Variants in GRIN2A observed in about 807,000 individuals in gnomAD.
GRIN2A encodes glutamate ionotropic receptor NMDA type subunit 2A.
In GRIN2A, 22 loss-of-function variants were observed where a neutral mutation model predicts 113.4. The ratio of observed to expected loss-of-function variants is 0.19; its 90% CI spans 0.14 to 0.28. The LOEUF (loss-of-function observed/expected upper bound fraction) is 0.28. Ranked by LOEUF, GRIN2A falls within the 10% of genes least tolerant of loss-of-function variation. The probability of loss-of-function intolerance (pLI) is 1.00; values close to 1 mark genes in which losing one functional copy is unlikely to be tolerated. For missense variants in GRIN2A, 1,502 were observed against 1,887.0 expected, an observed-to-expected ratio of 0.80 and a Z score of 3.78; for synonymous variants, 827 against 738.4, an observed-to-expected ratio of 1.12 and a Z score of -1.94.
intron 2 of GRIN2A, among the ~76,000 whole-genome samples, chr16:10,024,968 C>G (rs747611331): frequency 6.6e-6 from 1 of 151,218 alleles, no homozygotes; most frequent in Non-Finnish European, 1.5e-5. Context: ...TTAAAAAAAG[C>G]ATAGTTGAAA....
intron 2 of GRIN2A, among the ~76,000 whole-genome samples, chr16:10,069,832 T>C (rs988752604): frequency 6.6e-6 from 1 of 152,178 alleles, no homozygotes; most frequent in African/African-American, 2.4e-5. Context: ...CCTTTCCCAA[T>C]GCAGTGAAGG....
At chr16:10,122,775 T>C (rs1367191783) in intron 2 of GRIN2A, among the ~76,000 whole-genome samples, 1 of 152,066 alleles carries the variant, frequency 6.6e-6, no homozygotes, top group Non-Finnish European at 1.5e-5. Flanking sequence ...ACGATCAGCA[T>C]ATTCCTTCCC....
chr16:9,906,871 C>T lies in GRIN2A; in HGVS notation c.1008-15771G>A, dbSNP rs189444077. 1.7e-4 allele frequency among the ~76,000 whole-genome samples: 26 copies of T among 152,336 alleles called. No homozygotes were observed. In the East Asian group the frequency reaches 5.0e-3, roughly 29 times the overall value. Reference sequence around the variant, plus strand: ...TTTTGTTTTGTTTTCAAGATAGGGTCTTGCTGTGTTGCCCAGGCTGGAGTG... The same window carrying T: ...TTTTGTTTTGTTTTCAAGATAGGGTTTTGCTGTGTTGCCCAGGCTGGAGTG... On this transcript the variant is annotated intron_variant, in intron 3 of 12. Transcript: ENST00000330684.
chr16:10,008,119 G>A (rs76919562), intron 2 of GRIN2A, among the ~76,000 whole-genome samples: 1 of 152,148 alleles, frequency 6.6e-6, no homozygotes, highest in African/African-American at 2.4e-5. Context: ...ACACCACAGA[G>A]AGGAGGCAGG....
intron 10 of GRIN2A, among the ~76,000 whole-genome samples, chr16:9,813,899 G>T (rs1385830429): frequency 6.6e-6 from 1 of 152,096 alleles, no homozygotes; most frequent in Non-Finnish European, 1.5e-5. Flanking sequence ...TGATGTCTAT[G>T]CCCGCTTTCG....
chr16:9,884,742 G>C (rs563158042), intron 4 of GRIN2A, among the ~76,000 whole-genome samples: 4 of 143,870 alleles, frequency 2.8e-5, no homozygotes, highest in Non-Finnish European at 6.0e-5. Context: ...TTCTCACTTA[G>C]AGAATTTCTT....
intron 7 of GRIN2A, among the ~76,000 whole-genome samples, chr16:9,836,957 C>T (rs1254160595): frequency 6.6e-6 from 1 of 152,246 alleles, no homozygotes; most frequent in Admixed American, 6.5e-5. Context: ...ACAGGAGATG[C>T]CATCTCTGTC....
intron 2 of GRIN2A, among the ~76,000 whole-genome samples, chr16:10,030,581 G>A (rs1294303455): frequency 1.3e-5 from 2 of 152,202 alleles, no homozygotes; most frequent in Non-Finnish European, 2.9e-5. Context: ...TTTTCAGACA[G>A]AAAGGTTTTC....
At chr16:10,076,051 T>C (rs2047866689) in intron 2 of GRIN2A, among the ~76,000 whole-genome samples, 1 of 152,056 alleles carries the variant, frequency 6.6e-6, no homozygotes, top group African/African-American at 2.4e-5. Flanking sequence ...AATGCGCCCA[T>C]TGTGCTACCT....
In GRIN2A at chr16:9,891,047, C is replaced by G. The variant is rs1458361061; in HGVS notation, c.1061G>C (p.Gly354Ala). The G allele has an allele frequency of 6.2e-7, 1 of 1,613,622 alleles. No individual in the cohort carries two copies. Among genetic ancestry groups the G allele is most frequent in the Admixed American group, 1.7e-5 (1 of 59,998 alleles). ...CACCAGCCTGGGGTGCACCTGGTAG[C>G]CTTCCTCAGTGAAGGATAAGTCTTT... Reference protein sequence around the residue: ...DGKDLSFTEEGYQVHPRLVVI... With the variant: ...DGKDLSFTEEAYQVHPRLVVI... The change falls in exon 4 of 13, where the codon GGC (glycine) becomes GCC (alanine). Residue 354 changes from glycine to alanine, a missense_variant. By Grantham distance (60) the Gly-to-Ala change is moderately conservative. Around this residue, in one of 7 missense-constraint regions of GRIN2A, gnomAD observed 334 missense variants for 403.0 expected, o/e 0.83. Coordinates refer to ENST00000330684, the MANE Select transcript of GRIN2A (RefSeq NM_001134407.3).
Position 9,850,074 on chromosome 16 carries a change from A to G in GRIN2A, c.1123-113T>C, listed in dbSNP as rs192625052. 15 of 817,192 alleles carry G rather than the reference A, an allele frequency of 1.8e-5. No individual in the cohort carries two copies. The East Asian group carries it at 2.8e-4, about 15-fold the overall frequency. 50.6% of individuals were successfully genotyped at this position (817,192 alleles called of 1,614,324 possible). ...TCCGTCTCAAGGGCCTTTCTGCCAC[A>G]TATCTCAACATATGCATCTACTTCT... is the stretch of plus-strand genomic sequence containing the variant. On this transcript the variant is annotated intron_variant, in intron 4 of 12. Transcript: ENST00000330684.
intron 3 of GRIN2A, among the ~76,000 whole-genome samples, chr16:9,927,280 C>T (rs1229159641): frequency 6.6e-6 from 1 of 152,178 alleles, no homozygotes; most frequent in Non-Finnish European, 1.5e-5. Context: ...ACCTATTTGC[C>T]TTCTCTGTGA....
rs564831546 is a variant in GRIN2A, at chr16:9,854,426, A to C, written c.1123-4465T>G. The stretch of plus-strand genomic sequence containing the variant: ...CCACCAGAGTATTCAGGGAGAAAGA[A>C]AGAACCAATGGGTTGAATCCTGAAG... On this transcript the variant is annotated intron_variant, in intron 4 of 12. Transcript: ENST00000330684. 4.6e-5 allele frequency among the ~76,000 whole-genome samples: 7 copies of C among 152,274 alleles called. No individual in the cohort carries two copies. In the South Asian group the frequency reaches 1.5e-3, roughly 32 times the overall value.
chr16:9,962,669 T>C (rs993537868), intron 2 of GRIN2A, among the ~76,000 whole-genome samples: 2 of 152,210 alleles, frequency 1.3e-5, no homozygotes, highest in African/African-American at 4.8e-5. Context: ...TTGGTGGGAC[T>C]GTAAACTAGT....
intron 2 of GRIN2A, among the ~76,000 whole-genome samples, chr16:10,039,783 A>AGAGGGAGGGGGGGGG (rs2047110166): frequency 1.4e-4 from 1 of 6,972 alleles, no homozygotes; most frequent in Admixed American, 1.8e-3. Context: ...AGGGAGGGGG[A>AGAGGGAGGGGGGGGG]GGGGGAGGGG....
rs1216948199 is a variant in GRIN2A, at chr16:10,034,525, C to CA, written c.415-95975dup. ...GGACGATAAGAGTGAGACCCCACGTCAAAAAAAAGCAAAAAAAAAAAAAAA... is the reference window on the plus strand; with the variant it reads ...GGACGATAAGAGTGAGACCCCACGTCAAAAAAAAAGCAAAAAAAAAAAAAAA... On this transcript the variant is annotated intron_variant, in intron 2 of 12. Coordinates refer to ENST00000330684, the MANE Select transcript of GRIN2A (RefSeq NM_001134407.3). 4.3e-4 allele frequency among the ~76,000 whole-genome samples: 7 copies of CA among 16,386 alleles called. No homozygotes were observed. In the South Asian group the frequency reaches 6.5e-3, roughly 15 times the overall value. The allele number at this position is 16,386 out of a possible 152,430, so 10.7% of individuals were successfully genotyped here. A position where few individuals can be genotyped will look rare whatever the true frequency, so the allele number is the denominator to read the frequency against.
intron 4 of GRIN2A, among the ~76,000 whole-genome samples, chr16:9,851,392 T>A (rs1461010752): frequency 1.3e-5 from 2 of 152,200 alleles, no homozygotes; most frequent in African/African-American, 4.8e-5. Flanking sequence ...GCTGAGCGCA[T>A]CAAATTCTTC....
rs552560401 is a variant in GRIN2A at position 10,053,277 on chromosome 16, G to T, written c.415-114726C>A. On this transcript the variant is annotated intron_variant, in intron 2 of 12. Transcript: ENST00000330684. ...ACTAGCAGAGGATCCTATGGAAAAG[G>T]TGGTTTGATCTACAGGACCTTAAAT... 2.6e-4 allele frequency among the ~76,000 whole-genome samples: 39 copies of T among 152,320 alleles called. 1 individual carries two copies. Among genetic ancestry groups the T allele is most frequent in the African/African-American group, 9.4e-4 (39 of 41,574 alleles).
At chr16:10,081,832 C>T (rs1282822543) in intron 2 of GRIN2A, among the ~76,000 whole-genome samples, 1 of 152,142 alleles carries the variant, frequency 6.6e-6, no homozygotes, top group African/African-American at 2.4e-5. Flanking sequence ...TAAGTAGGAA[C>T]CTCCAAGGCC....
Sources: gnomAD v4.1 joint callset for allele counts (sites outside exome capture counted in the v4.1 genomes callset) on GRCh38, gnomAD v4.1.1 for gene constraint, gnomAD v4.1.1 regional missense constraint, MANE v1.5 for transcripts, NCBI Gene and HGNC (gene_info 2026-07-23, HGNC 2026-07-21) for gene names.